Variants in NGF observed in about 807,000 individuals in gnomAD.
The protein encoded by NGF is beta-nerve growth factor.
A neutral mutation model predicts 12.8 loss-of-function variants in NGF; 4 were observed. That is an observed-to-expected ratio of 0.31 (90% CI 0.15 to 0.72). NGF has a LOEUF of 0.72. Among genes scored for constraint, NGF ranks in the 30% least tolerant of loss-of-function variants. NGF has a pLI of 0.69. For synonymous variants in NGF, 140 were observed against 130.0 expected (o/e 1.08, Z -0.52); for missense variants, 283 against 330.8 (o/e 0.86, Z 1.12).
At chr1:115,318,718 C>T (rs1224087989) in intron 1 of NGF, among the ~76,000 whole-genome samples, 2 of 152,144 alleles carry the variant, frequency 1.3e-5, no homozygotes, top group Non-Finnish European at 2.9e-5. Context: ...TCCCCACCTC[C>T]CTGGCAGCCC....
chr1:115,303,312 C>T (rs1012530257), intron 1 of NGF, among the ~76,000 whole-genome samples: 8 of 152,110 alleles, frequency 5.3e-5, no homozygotes, highest in Admixed American at 3.9e-4. Flanking sequence ...TCTATCACAG[C>T]GTTTAGATAG....
intron 2 of NGF, among the ~76,000 whole-genome samples, chr1:115,288,580 C>T (rs934426475): frequency 6.6e-5 from 10 of 152,094 alleles, no homozygotes; most frequent in Non-Finnish European, 5.9e-5. Flanking sequence ...AGGGTGGAGC[C>T]GTGTCTCATC....
rs67307707 is a variant in NGF at position 115,337,267 on chromosome 1, G to GTTTTTTTTTTTTT, written c.-137+924_-137+936dup. Among the ~76,000 whole-genome samples, 62 of 81,016 alleles carry GTTTTTTTTTTTTT rather than the reference G, an allele frequency of 7.7e-4. 6 individuals carry two copies. Among genetic ancestry groups the GTTTTTTTTTTTTT allele is most frequent in the Non-Finnish European group, 1.2e-3 (51 of 42,666 alleles). The allele number at this position is 81,016 out of a possible 152,430, so 53.1% of individuals were successfully genotyped here. A position where few individuals can be genotyped will look rare whatever the true frequency, so the allele number is the denominator to read the frequency against. ...TCGAAATTTTTTTTGTTTTGTTTTT[G>GTTTTTTTTTTTTT]TTTTTTTTTTTTTTTTTTTTTTTTT... On this transcript the variant is annotated intron_variant, in intron 1 of 2. Coordinates refer to ENST00000369512, the MANE Select transcript of NGF (RefSeq NM_002506.3).
At chr1:115,305,797 G>A (rs1654185734) in intron 1 of NGF, among the ~76,000 whole-genome samples, 1 of 152,048 alleles carries the variant, frequency 6.6e-6, no homozygotes, top group African/African-American at 2.4e-5. Context: ...AATAGAATGT[G>A]GCTATTCTAT....
chr1:115,287,849 T>C (rs531040579), intron 2 of NGF, among the ~76,000 whole-genome samples: 24 of 152,336 alleles, frequency 1.6e-4, no homozygotes, highest in African/African-American at 5.5e-4. Context: ...ACCCCACAAA[T>C]AATCCCCCAA....
At chr1:115,291,298 A>T (rs1653687473) in intron 2 of NGF, among the ~76,000 whole-genome samples, 1 of 152,248 alleles carries the variant, frequency 6.6e-6, no homozygotes, top group Non-Finnish European at 1.5e-5. Context: ...TTTCTATTCT[A>T]GTGATATAAT....
At chr1:115,337,267 GTTTTTTTTTTTTTTTTTTTTTTTTT>G (rs67307707) in intron 1 of NGF, among the ~76,000 whole-genome samples, 1 of 81,030 alleles carries the variant, frequency 1.2e-5, no homozygotes, top group Non-Finnish European at 2.3e-5. Context: ...TTTTGTTTTT[GTTTTTTTTTTTTTTTTTTTTTTTTT>G]TTTTTTTTTT....
At chr1:115,336,977 A>G (rs749947003) in intron 1 of NGF, among the ~76,000 whole-genome samples, 14 of 152,206 alleles carry the variant, frequency 9.2e-5, no homozygotes, top group Non-Finnish European at 1.9e-4. Context: ...CTTGGATGAC[A>G]GATGGGGCAG....
intron 1 of NGF, among the ~76,000 whole-genome samples, chr1:115,322,808 C>T (rs758214286): frequency 7.2e-4 from 110 of 152,258 alleles, no homozygotes; most frequent in Admixed American, 7.2e-4. Flanking sequence ...GCCATGGCGA[C>T]GACCTTCTGC....
rs191659243 is a variant in NGF, at chr1:115,288,270, G to C, written c.-12-1463C>G. 5.3e-5 allele frequency among the ~76,000 whole-genome samples: 8 copies of C among 152,284 alleles called. No individual in the cohort carries two copies. In the East Asian group the frequency reaches 1.5e-3, roughly 29 times the overall value. ...AGTGTAATGACAAGAACTCTGCATT[G>C]GGTCTGGGGGTTAGAAAATCGTGTT... On this transcript the variant is annotated intron_variant, in intron 2 of 2. Transcript: ENST00000369512.
At chr1:115,334,768 T>A (rs1655064138) in intron 1 of NGF, among the ~76,000 whole-genome samples, 1 of 152,188 alleles carries the variant, frequency 6.6e-6, no homozygotes, top group East Asian at 1.9e-4. Flanking sequence ...GAGGCAGGAA[T>A]ACTAAACTAT....
At chr1:115,337,261 G>GTTTTTTTTT (rs368973980) in intron 1 of NGF, among the ~76,000 whole-genome samples, 8 of 11,760 alleles carry the variant, frequency 6.8e-4, no homozygotes, top group Non-Finnish European at 1.3e-3. Context: ...TTTTTGTTTT[G>GTTTTTTTTT]TTTTTGTTTT....
At position 115,337,264 on chromosome 1, in the gene NGF, TTTG is replaced by T. The variant is rs1557950752; in HGVS notation, c.-137+937_-137+939del. On this transcript the variant is annotated intron_variant, in intron 1 of 2. Transcript: ENST00000369512. ...ATCTCGAAATTTTTTTTGTTTTGTT[TTTG>T]TTTTTTTTTTTTTTTTTTTTTTTTT... 3.3e-4 allele frequency among the ~76,000 whole-genome samples: 27 copies of T among 81,268 alleles called. 2 individuals carry two copies. Among genetic ancestry groups the T allele is most frequent in the African/African-American group, 1.4e-3 (21 of 15,412 alleles). 53.3% of individuals were successfully genotyped at this position (81,268 alleles called of 152,430 possible).
chr1:115,286,537 C>T lies in NGF; in HGVS notation c.259G>A (p.Val87Met). Residue 87 changes from valine (V) to methionine (M), a missense_variant, in exon 3 of 3, where the codon GTG (valine) becomes ATG (methionine). By Grantham distance (21) the Val-to-Met change is conservative. Coordinates refer to ENST00000369512, the MANE Select transcript of NGF (RefSeq NM_002506.3). ...FKKRRLRSPR[V>M]LFSTQPPREA... ...CGGGGAGGCTGGGTGCTAAACAGCA[C>T]ACGGGGTGAACGGAGTCGCCGCTTT... 1 of 1,614,220 alleles carries T rather than the reference C, an allele frequency of 6.2e-7. No individual in the cohort carries two copies. Among genetic ancestry groups the T allele is most frequent in the South Asian group, 1.1e-5 (1 of 91,082 alleles).
rs769465872 is a variant in NGF at position 115,286,713 on chromosome 1, G to A, written c.83C>T (p.Ala28Val). ...GTGGGCTTGGGGGATGGTGTGTCCTGCAGGGACATTGCTCTCTGAGTGTGG... is the reference window on the plus strand; with the variant it reads ...GTGGGCTTGGGGGATGGTGTGTCCTACAGGGACATTGCTCTCTGAGTGTGG... The part of the protein sequence containing the change: ...AEPHSESNVP[A>V]GHTIPQAHWT... The change falls in exon 3 of 3, where the codon GCA (alanine) becomes GTA (valine). Residue 28 changes from alanine to valine, a missense_variant. Around this residue, in one of 2 missense-constraint regions of NGF, gnomAD observed 151 missense variants for 141.6 expected, o/e 1.07. Transcript: ENST00000369512. 1.9e-6 allele frequency: 3 copies of A among 1,614,184 alleles called. No homozygotes were observed. Among genetic ancestry groups the A allele is most frequent in the African/African-American group, 2.7e-5 (2 of 75,060 alleles).
chr1:115,330,556 G>A (rs1356384996), intron 1 of NGF, among the ~76,000 whole-genome samples: 1 of 152,160 alleles, frequency 6.6e-6, no homozygotes, highest in Non-Finnish European at 1.5e-5. Context: ...AAATTAGATT[G>A]CTTTTCAGAG....
intron 1 of NGF, among the ~76,000 whole-genome samples, chr1:115,297,923 T>C (rs1653920160): frequency 6.6e-6 from 1 of 152,188 alleles, no homozygotes; most frequent in African/African-American, 2.4e-5. Flanking sequence ...CCCTAGGTGA[T>C]CCCAATATAA....
intron 1 of NGF, among the ~76,000 whole-genome samples, chr1:115,330,507 C>T (rs1313616005): frequency 6.6e-6 from 1 of 152,220 alleles, no homozygotes; most frequent in East Asian, 1.9e-4. Flanking sequence ...CAGAGTAGTG[C>T]TGTCTTTCTC....
chr1:115,287,236 G>A (rs1653540370), intron 2 of NGF, among the ~76,000 whole-genome samples: 1 of 152,174 alleles, frequency 6.6e-6, no homozygotes, highest in African/African-American at 2.4e-5. Flanking sequence ...TGATGGTGCC[G>A]TCCTGCTCAA....
Sources: allele counts gnomAD v4.1 joint callset (sites outside exome capture counted in the v4.1 genomes callset), GRCh38; gene constraint gnomAD v4.1.1; regional missense constraint gnomAD v4.1.1; transcripts MANE v1.5; gene names NCBI Gene and HGNC (gene_info 2026-07-23, HGNC 2026-07-21).